The following KLHL6 variants were observed in gnomAD, a reference collection of about 807,000 sequenced individuals.
The protein encoded by KLHL6 is kelch like family member 6.
Under a neutral mutation model 58.6 loss-of-function variants are expected in KLHL6, and 41 were observed. That is an observed-to-expected ratio of 0.70 (90% CI 0.55 to 0.91). KLHL6 has a LOEUF of 0.91. Ranked by LOEUF, KLHL6 falls within the 40% of genes least tolerant of loss-of-function variation. KLHL6 has a pLI of 0.00. For synonymous variants in KLHL6, 338 were observed against 322.7 expected (o/e 1.05, Z -0.51); for missense variants, 714 against 805.6 (o/e 0.89, Z 1.38).
At chr3:183,547,238 G>C (rs1029557637) in intron 1 of KLHL6, among the ~76,000 whole-genome samples, 1 of 152,022 alleles carries the variant, frequency 6.6e-6, no homozygotes, top group Non-Finnish European at 1.5e-5. Flanking sequence ...ATTCCACTTA[G>C]GACAACTATT....
intron 1 of KLHL6, among the ~76,000 whole-genome samples, chr3:183,554,174 C>A (rs1713027619): frequency 6.6e-6 from 1 of 152,146 alleles, no homozygotes; most frequent in African/African-American, 2.4e-5. Flanking sequence ...CATGTCCATG[C>A]TGATATGGAG....
intron 2 of KLHL6, chr3:183,522,624 T>C (rs1439623888): frequency 1.3e-5 from 2 of 152,238 alleles, no homozygotes; most frequent in Non-Finnish European, 2.9e-5. Flanking sequence ...ACATAGTATA[T>C]CATAGTAGGT....
intron 2 of KLHL6, among the ~76,000 whole-genome samples, chr3:183,517,734 A>T (rs1711611617): frequency 6.6e-6 from 1 of 152,206 alleles, no homozygotes; most frequent in African/African-American, 2.4e-5. Context: ...CAGGCAATAC[A>T]TGTGACCCAC....
chr3:183,549,357 T>A (rs865816132), intron 1 of KLHL6, among the ~76,000 whole-genome samples: 1 of 152,242 alleles, frequency 6.6e-6, no homozygotes, highest in South Asian at 2.1e-4. Context: ...CCACTTTTAA[T>A]ATTTTCCAAT....
intron 1 of KLHL6, among the ~76,000 whole-genome samples, chr3:183,538,448 G>T (rs1385204693): frequency 6.6e-6 from 1 of 152,102 alleles, no homozygotes; most frequent in Non-Finnish European, 1.5e-5. Flanking sequence ...GTTTATACCA[G>T]GAACGAACTC....
In KLHL6 at chr3:183,492,930, T is replaced by C; in HGVS notation, c.1351-223A>G. The C allele has an allele frequency of 1.9e-6, 1 of 538,114 alleles. No individual in the cohort carries two copies. The highest frequency in any genetic ancestry group is 2.1e-5 in the South Asian group (1 of 47,186). The allele number at this position is 538,114 out of a possible 1,614,324, so 33.3% of individuals were successfully genotyped here. A position where few individuals can be genotyped will look rare whatever the true frequency, so the allele number is the denominator to read the frequency against. On this transcript the variant is annotated intron_variant, in intron 5 of 6. Transcript: ENST00000341319. The surrounding 1 kb of genome is among the most constrained non-coding windows in gnomAD (Gnocchi z 5.9). ...CACGCAAGCTAGAGCAAGCTGTGTG[T>C]TGGGATGTGCCAGCCTCTCCCGGAA...
In KLHL6 at chr3:183,491,937, A is replaced by G. The variant is rs752597267; in HGVS notation, c.1856T>C (p.Val619Ala). 19 of 1,494,488 alleles carry G rather than the reference A, an allele frequency of 1.3e-5. No homozygotes were observed. Among genetic ancestry groups the G allele is most frequent in the Non-Finnish European group, 1.6e-5 (18 of 1,118,948 alleles). The allele number at this position is 1,494,488 out of a possible 1,614,324, so 92.6% of individuals were successfully genotyped here. Residue 619 changes from valine (V) to alanine (A), a missense_variant, in exon 7 of 7, where the codon GTG (valine) becomes GCG (alanine). By Grantham distance (64) the Val-to-Ala change is moderately conservative. This residue lies in a region of KLHL6 where 510 missense variants were observed against 629.7 expected (regional missense o/e 0.81). Coordinates refer to ENST00000341319, the MANE Select transcript of KLHL6 (RefSeq NM_130446.4). ...THIRRIVPGA[V>A]SV ...CTCCCCATCCTGCCGTCAGACAGAC[A>G]CTGCTCCGGGCACGATCCTGCGGAT...
At chr3:183,500,376 G>T (rs1189018767) in intron 3 of KLHL6, among the ~76,000 whole-genome samples, 30 of 152,172 alleles carry the variant, frequency 2.0e-4, no homozygotes, top group Non-Finnish European at 2.9e-5. Flanking sequence ...AGGAAGGCTG[G>T]TTCCAACATA....
At chr3:183,509,268 T>C (rs542847825) in intron 2 of KLHL6, among the ~76,000 whole-genome samples, 1 of 152,362 alleles carries the variant, frequency 6.6e-6, no homozygotes, top group African/African-American at 2.4e-5. Context: ...AATGAAACAA[T>C]TATGATTCAT....
chr3:183,535,701 T>C (rs370470745), intron 1 of KLHL6, among the ~76,000 whole-genome samples: 1 of 152,200 alleles, frequency 6.6e-6, no homozygotes. Flanking sequence ...ATGAAGTCAA[T>C]GTGTTTCCCA....
chr3:183,496,332 T>C (rs1255069022), intron 4 of KLHL6, among the ~76,000 whole-genome samples: 3 of 144,458 alleles, frequency 2.1e-5, no homozygotes, highest in Non-Finnish European at 3.1e-5. Context: ...TTTAAATGAC[T>C]AATAATAAAA....
intron 1 of KLHL6, chr3:183,548,788 A>ATGTAGGTCTGTATTAAAAATCTGGC (rs1712809541): frequency 4.6e-5 from 7 of 152,038 alleles, no homozygotes; most frequent in African/African-American, 1.5e-4. Flanking sequence ...TGCCAAGAAC[A>ATGTAGGTCTGTATTAAAAATCTGGC]TATACACCAT....
intron 1 of KLHL6, among the ~76,000 whole-genome samples, chr3:183,534,132 G>GTACTTT (rs1712277780): frequency 3.1e-4 from 5 of 16,056 alleles, no homozygotes; most frequent in Admixed American, 1.3e-3. Context: ...AAAGTACTTT[G>GTACTTT]TACTTTTAAA....
At chr3:183,507,577 G>C (rs1718043723) in intron 3 of KLHL6, among the ~76,000 whole-genome samples, 1 of 152,068 alleles carries the variant, frequency 6.6e-6, no homozygotes, top group African/African-American at 2.4e-5. Context: ...GACTACAGGT[G>C]CATGCCACCA....
chr3:183,546,367 G>A (rs1016075824), intron 1 of KLHL6, among the ~76,000 whole-genome samples: 1 of 152,218 alleles, frequency 6.6e-6, no homozygotes, highest in Non-Finnish European at 1.5e-5. Flanking sequence ...AAGCCCAGTC[G>A]GAGGAAAGCC....
At chr3:183,508,580 T>C (rs558470581) in intron 2 of KLHL6, 72 bp from the exon 3 acceptor site, 1 of 1,414,414 alleles carries the variant, frequency 7.1e-7, no homozygotes, top group Admixed American at 2.0e-5. Context: ...CAGTGAGTTA[T>C]GTGTATTAGC....
intron 3 of KLHL6, among the ~76,000 whole-genome samples, chr3:183,501,018 A>G (rs1717852599): frequency 6.6e-6 from 1 of 152,196 alleles, no homozygotes; most frequent in Non-Finnish European, 1.5e-5. Context: ...TTCTGTGCCT[A>G]GGAGCCTGGT....
intron 1 of KLHL6, among the ~76,000 whole-genome samples, chr3:183,554,707 G>T (rs1031441410): frequency 6.6e-6 from 1 of 152,306 alleles, no homozygotes; most frequent in South Asian, 2.1e-4. Flanking sequence ...ACAACATTAT[G>T]TTTCCAACAC....
At chr3:183,519,429 G>T (rs973413229) in intron 2 of KLHL6, among the ~76,000 whole-genome samples, 1 of 152,156 alleles carries the variant, frequency 6.6e-6, no homozygotes, top group African/African-American at 2.4e-5. Flanking sequence ...GTAAGCCCAG[G>T]ACAGATGCCT....
Sources: gnomAD v4.1 joint callset for allele counts (sites outside exome capture counted in the v4.1 genomes callset) on GRCh38, gnomAD v4.1.1 for gene constraint, gnomAD v4.1.1 regional missense constraint, Gnocchi (gnomAD v3.1) non-coding constraint, MANE v1.5 for transcripts, NCBI Gene and HGNC (gene_info 2026-07-23, HGNC 2026-07-21) for gene names.